Variants in SEL1L3 observed in about 807,000 individuals in gnomAD.
The protein encoded by SEL1L3 is SEL1L family member 3.
Under a neutral mutation model 142.8 loss-of-function variants are expected in SEL1L3, and 76 were observed. The observed-to-expected ratio is 0.53, with a 90% CI of 0.44 to 0.64. The LOEUF (loss-of-function observed/expected upper bound fraction) is 0.64. SEL1L3 is among the 30% of genes least tolerant of loss of function. The pLI is 0.00. For missense variants in SEL1L3, 1,262 were observed against 1,381.7 expected (o/e 0.91, Z 1.37); for synonymous variants, 504 against 519.6 (o/e 0.97, Z 0.41).
chr4:25,802,270 T>A lies in SEL1L3; in HGVS notation c.1956+13A>T. ...GGGCCATAACCATTCCCAACCTTTT[T>A]TCTCTCTCATACCTGATCTCCTTGC... is the stretch of plus-strand genomic sequence containing the variant. On this transcript the variant is annotated intron_variant, in intron 11 of 23. Transcript: ENST00000399878. 1.2e-6 allele frequency: 2 copies of A among 1,602,864 alleles called. No individual in the cohort carries two copies. Among genetic ancestry groups the A allele is most frequent in the Non-Finnish European group, 1.7e-6 (2 of 1,173,410 alleles).
intron 19 of SEL1L3, 43 bp downstream of exon 19, chr4:25,767,482 A>C: frequency 9.6e-7 from 1 of 1,041,444 alleles, no homozygotes; most frequent in South Asian, 1.4e-5. Context: ...TAAAGATTAA[A>C]AACACCTAAT....
chr4:25,797,562 C>A (rs139220451), intron 11 of SEL1L3, among the ~76,000 whole-genome samples: 3 of 152,286 alleles, frequency 2.0e-5, no homozygotes, highest in Admixed American at 2.0e-4. Context: ...ATGGGTGTCA[C>A]ATACGATGGT....
chr4:25,843,876 C>A (rs1716331808), intron 2 of SEL1L3, among the ~76,000 whole-genome samples: 1 of 152,266 alleles, frequency 6.6e-6, no homozygotes, highest in African/African-American at 2.4e-5. Flanking sequence ...CGTGTCTGGA[C>A]ACACGTGGCC....
rs1448733765 is a variant in SEL1L3 at position 25,833,369 on chromosome 4, T to C, written c.982+79A>G. 5 of 1,372,120 alleles carry C rather than the reference T, an allele frequency of 3.6e-6. No homozygotes were observed. In the East Asian group the frequency reaches 9.2e-5, roughly 25 times the overall value. 85.0% of individuals were successfully genotyped at this position (1,372,120 alleles called of 1,614,324 possible). Reference sequence around the variant, plus strand: ...TGCCATGTTGACAGGATCTTCCTTATTCTAGACAGACATATCTGTCACTAG... The same window carrying C: ...TGCCATGTTGACAGGATCTTCCTTACTCTAGACAGACATATCTGTCACTAG... On this transcript the variant is annotated intron_variant, in intron 4 of 23. Transcript: ENST00000399878.
chr4:25,762,727 C>A (rs1202048021), intron 20 of SEL1L3, among the ~76,000 whole-genome samples: 1 of 152,134 alleles, frequency 6.6e-6, no homozygotes, highest in South Asian at 2.1e-4. Flanking sequence ...CCCCTCTAAT[C>A]CCAGCACTTT....
chr4:25,722,539 C>T, the SEL1L3 span, among the ~76,000 whole-genome samples: 3 of 151,608 alleles, frequency 2.0e-5, no homozygotes, highest in Non-Finnish European at 1.5e-5. Context: ...GGTCCACACA[C>T]ATCTGAGTCT....
At chr4:25,715,503 T>A in the SEL1L3 span, among the ~76,000 whole-genome samples, 1 of 152,116 alleles carries the variant, frequency 6.6e-6, no homozygotes, top group African/African-American at 2.4e-5. Context: ...ACCCCTATGG[T>A]GGAAATTTGG....
At chr4:25,737,643 C>A in the SEL1L3 span, among the ~76,000 whole-genome samples, 1 of 152,160 alleles carries the variant, frequency 6.6e-6, no homozygotes, top group Non-Finnish European at 1.5e-5. Flanking sequence ...AACAAAAATA[C>A]AGTAGTGTCT....
At chr4:25,777,862 T>A (rs1266353930) in intron 16 of SEL1L3, 4 of 455,918 alleles carry the variant, frequency 8.8e-6, no homozygotes, top group Admixed American at 4.7e-5. Context: ...AGTGTGAGGG[T>A]GGCCTAAAAC....
At chr4:25,850,600 C>A (rs1716813156) in intron 1 of SEL1L3, among the ~76,000 whole-genome samples, 1 of 152,214 alleles carries the variant, frequency 6.6e-6, no homozygotes, top group Non-Finnish European at 1.5e-5. Context: ...CCTACTAATA[C>A]ACTGAAAGTT....
intron 11 of SEL1L3, among the ~76,000 whole-genome samples, chr4:25,792,451 T>G (rs1712413060): frequency 6.6e-6 from 1 of 152,236 alleles, no homozygotes; most frequent in South Asian, 2.1e-4. Context: ...GGTCCACGCT[T>G]GGCCAAGCTT....
Position 25,822,105 on chromosome 4 carries a change from T to C in SEL1L3, c.1181A>G (p.Asn394Ser). 1.9e-6 allele frequency: 3 copies of C among 1,613,912 alleles called. No homozygotes were observed. Among genetic ancestry groups the C allele is most frequent in the South Asian group, 1.1e-5 (1 of 91,072 alleles). Reference sequence around the variant, plus strand: ...AATAATGAAGTACCCAGCTGTGTCATTATAATGGAAATCCTCCCGGAAGCT... The same window carrying C: ...AATAATGAAGTACCCAGCTGTGTCACTATAATGGAAATCCTCCCGGAAGCT... ...TISFREDFHY[N>S]DTAGYFIIGG... The change falls in exon 7 of 24, where the codon AAT becomes AGT. Residue 394 changes from asparagine to serine, a missense_variant. This residue lies in a region of SEL1L3 where 689 missense variants were observed against 692.8 expected (regional missense o/e 0.99). Coordinates refer to ENST00000399878, the MANE Select transcript of SEL1L3 (RefSeq NM_015187.5).
chr4:25,757,874 C>T, intron 21 of SEL1L3, 84 bp from the exon 22 acceptor site: 2 of 893,304 alleles, frequency 2.2e-6, no homozygotes, highest in Non-Finnish European at 3.6e-6. Flanking sequence ...ATCCACAAAC[C>T]TACATTCTTC....
intron 9 of SEL1L3, among the ~76,000 whole-genome samples, chr4:25,810,907 C>A (rs1560320977): frequency 2.6e-5 from 4 of 152,194 alleles, no homozygotes. Context: ...AAAGGCGTGC[C>A]CGCTCTGGGA....
chr4:25,756,863 G>T (rs1426997534), intron 23 of SEL1L3: 1 of 1,282,554 alleles, frequency 7.8e-7, no homozygotes, highest in Non-Finnish European at 1.0e-6. Context: ...ACTTCATGCT[G>T]CCAGGAGCTT....
At chr4:25,833,763 C>T (rs558847821) in intron 3 of SEL1L3, among the ~76,000 whole-genome samples, 194 bp from the exon 4 acceptor site, 2 of 152,276 alleles carry the variant, frequency 1.3e-5, no homozygotes, top group South Asian at 2.1e-4. Flanking sequence ...CTGCAAAAGA[C>T]AGGAGTTAAG....
rs768633225 is a variant in SEL1L3, at chr4:25,819,956, A to G, written c.1291-16T>C. ...GATTAAAAATCTACAAGAAGGCAAGAAAGTCAAATGAACAACAATTGTCAT... is the reference window on the plus strand; with the variant it reads ...GATTAAAAATCTACAAGAAGGCAAGGAAGTCAAATGAACAACAATTGTCAT... On this transcript the variant is annotated splice_polypyrimidine_tract_variant and intron_variant, in intron 7 of 23. Transcript: ENST00000399878. The G allele has an allele frequency of 3.7e-6, 6 of 1,605,252 alleles. No homozygotes were observed. Among genetic ancestry groups the G allele is most frequent in the Admixed American group, 1.7e-5 (1 of 58,810 alleles).
At chr4:25,721,280 A>G in the SEL1L3 span, among the ~76,000 whole-genome samples, 1 of 151,944 alleles carries the variant, frequency 6.6e-6, no homozygotes, top group Non-Finnish European at 1.5e-5. Context: ...TTAAGTCTGC[A>G]AGGATATGGT....
At chr4:25,785,189 A>T (rs1047385716) in intron 13 of SEL1L3, among the ~76,000 whole-genome samples, 8 of 152,216 alleles carry the variant, frequency 5.3e-5, no homozygotes, top group South Asian at 2.1e-4. Context: ...GGGTTTTGCA[A>T]CAAACACATC....
Sources: allele counts gnomAD v4.1 joint callset (sites outside exome capture counted in the v4.1 genomes callset), GRCh38; gene constraint gnomAD v4.1.1; regional missense constraint gnomAD v4.1.1; transcripts MANE v1.5; gene names NCBI Gene and HGNC (gene_info 2026-07-23, HGNC 2026-07-21).